HTR1D: variants seen among roughly 807,000 people sequenced by gnomAD.
The protein encoded by HTR1D is 5-HT-1D.
HTR1D carries 18 observed loss-of-function variants against 21.1 expected under a neutral mutation model. That is an observed-to-expected ratio of 0.85 (90% confidence interval 0.59 to 1.27). The LOEUF (loss-of-function observed/expected upper bound fraction) is 1.27, where lower values mean the gene tolerates loss of function less well. Ranked by LOEUF, HTR1D falls within the 50% of genes most tolerant of loss-of-function variation. The pLI is 0.00. For synonymous variants in HTR1D, 196 were observed against 204.4 expected, an observed-to-expected ratio of 0.96 and a Z score of 0.35; for missense variants, 456 against 481.4, an observed-to-expected ratio of 0.95 and a Z score of 0.49.
At position 23,194,507 on chromosome 1, in the gene HTR1D, T is replaced by C. The variant is rs1210991234; in HGVS notation, c.-288A>G. ...AAAGGTCTTTCCTAAACCACAGGAATCCCAAGATGTCTCAGGGTCCTGGAA... is the reference window on the plus strand; with the variant it reads ...AAAGGTCTTTCCTAAACCACAGGAACCCCAAGATGTCTCAGGGTCCTGGAA... On this transcript the variant is annotated 5_prime_UTR_variant, in exon 2 of 2. Coordinates refer to ENST00000374619, the MANE Select transcript of HTR1D (RefSeq NM_000864.5). The C allele has an allele frequency of 2.0e-5, 4 of 200,742 alleles. No individual in the cohort carries two copies. The highest frequency in any genetic ancestry group is 4.5e-5 in the Non-Finnish European group (4 of 89,286). The allele number at this position is 200,742 out of a possible 1,614,324, so 12.4% of individuals were successfully genotyped here. A position where few individuals can be genotyped will look rare whatever the true frequency, so the allele number is the denominator to read the frequency against.
At chr1:23,216,756 G>C (rs1644774911) in intron 1 of HTR1D, among the ~76,000 whole-genome samples, 1 of 152,200 alleles carries the variant, frequency 6.6e-6, no homozygotes, top group Non-Finnish European at 1.5e-5. Flanking sequence ...TTTGACAGAC[G>C]TGCAAACTGA....
At position 23,194,969 on chromosome 1, in the gene HTR1D, T is replaced by A. The variant is rs573644291; in HGVS notation, c.-750A>T. Among the ~76,000 whole-genome samples the A allele has an allele frequency of 6.6e-5, 10 of 152,272 alleles. No individual in the cohort carries two copies. Among genetic ancestry groups the A allele is most frequent in the Non-Finnish European group, 1.5e-4 (10 of 68,030 alleles). ...ACCAGGCAAAACAAACAGATCACTG[T>A]GGGCTCACAGAGCAGGGACACATTC... On this transcript the variant is annotated 5_prime_UTR_variant, in exon 2 of 2. Transcript: ENST00000374619.
chr1:23,214,526 C>T lies in HTR1D; in HGVS notation c.-783+2765G>A, dbSNP rs78912879. Among the ~76,000 whole-genome samples the T allele has an allele frequency of 6.8e-4, 104 of 152,260 alleles. 1 individual carries two copies. The highest frequency in any genetic ancestry group is 1.3e-3 in the Non-Finnish European group (89 of 68,012). On this transcript the variant is annotated intron_variant, in intron 1 of 1. Coordinates refer to ENST00000374619, the MANE Select transcript of HTR1D (RefSeq NM_000864.5). The stretch of plus-strand genomic sequence containing the variant: ...AACTCCCATGGCTTACAAGGCCCTA[C>T]GTGATCTGCTGCCACCCCGGCCGTC...
chr1:23,217,130 C>A lies in HTR1D; in HGVS notation c.-783+161G>T, dbSNP rs935845475. On this transcript the variant is annotated intron_variant, in intron 1 of 1. Coordinates refer to ENST00000374619, the MANE Select transcript of HTR1D (RefSeq NM_000864.5). The surrounding 1 kb of genome is among the most constrained non-coding windows in gnomAD (Gnocchi z 4.6). ...CCCCGGTGGCCTCCCTCCGGCCGGG[C>A]AGGTCCTCCGGGACCCTCTCCCTGG... is the stretch of plus-strand genomic sequence containing the variant. Among the ~76,000 whole-genome samples the A allele has an allele frequency of 9.2e-5, 14 of 151,906 alleles. No individual in the cohort carries two copies. Among genetic ancestry groups the A allele is most frequent in the Non-Finnish European group, 2.1e-4 (14 of 67,898 alleles).
At chr1:23,209,535 G>A (rs927955456) in intron 1 of HTR1D, among the ~76,000 whole-genome samples, 9 of 152,158 alleles carry the variant, frequency 5.9e-5, no homozygotes, top group Admixed American at 2.0e-4. Flanking sequence ...ATGAGGAGGG[G>A]TCATAATGGC....
chr1:23,193,150 G>C lies in HTR1D; in HGVS notation c.1070C>G (p.Thr357Ser). The stretch of plus-strand genomic sequence containing the variant: ...TTGCCGAAACTCTTCATTAAACACA[G>C]TGTAGATTATTGGATTGATGAGGGA... The part of the protein sequence containing the change: ...LNSLINPIIY[T>S]VFNEEFRQAF... The change falls in exon 2 of 2, where the codon ACT becomes AGT. Residue 357 changes from threonine to serine, a missense_variant. Transcript: ENST00000374619. The C allele has an allele frequency of 6.2e-7, 1 of 1,614,008 alleles. No individual in the cohort carries two copies. Among genetic ancestry groups the C allele is most frequent in the East Asian group, 2.2e-5 (1 of 44,878 alleles).
At chr1:23,202,069 G>T (rs1431049048) in intron 1 of HTR1D, among the ~76,000 whole-genome samples, 1 of 151,644 alleles carries the variant, frequency 6.6e-6, no homozygotes, top group Non-Finnish European at 1.5e-5. Context: ...ATTTTTCGTG[G>T]TTTTTTGTTG....
At chr1:23,216,596 G>A (rs754113992) in intron 1 of HTR1D, among the ~76,000 whole-genome samples, 5 of 152,198 alleles carry the variant, frequency 3.3e-5, no homozygotes, top group Non-Finnish European at 7.3e-5. Context: ...CTCCCCATTT[G>A]TAATAAAGCA....
chr1:23,202,657 T>C (rs1367660957), intron 1 of HTR1D, among the ~76,000 whole-genome samples: 5 of 152,206 alleles, frequency 3.3e-5, no homozygotes. Context: ...ACACAGTAAT[T>C]TGTGGCTGTT....
In HTR1D at chr1:23,217,124, G is replaced by C. The variant is rs1392341761; in HGVS notation, c.-783+167C>G. Among the ~76,000 whole-genome samples, 1 of 151,768 alleles carries C rather than the reference G, an allele frequency of 6.6e-6. No homozygotes were observed. Among genetic ancestry groups the C allele is most frequent in the Admixed American group, 6.5e-5 (1 of 15,272 alleles). On this transcript the variant is annotated intron_variant, in intron 1 of 1. Transcript: ENST00000374619. This position sits in a 1 kb window ranked among gnomAD's most constrained non-coding sequence, Gnocchi z 4.6. ...GGCCACCCCCGGTGGCCTCCCTCCGGCCGGGCAGGTCCTCCGGGACCCTCT... is the reference window on the plus strand; with the variant it reads ...GGCCACCCCCGGTGGCCTCCCTCCGCCCGGGCAGGTCCTCCGGGACCCTCT...
In HTR1D at chr1:23,217,486, C is replaced by G. The variant is rs1366159584; in HGVS notation, c.-978G>C. Among the ~76,000 whole-genome samples the G allele has an allele frequency of 6.6e-6, 1 of 152,054 alleles. No individual in the cohort carries two copies. Among genetic ancestry groups the G allele is most frequent in the East Asian group, 1.9e-4 (1 of 5,144 alleles). ...CACCTGCCTCCGCCTCTCCCAGAGC[C>G]CTGCGGCTCCTTCTCCGCGCTCCCC... On this transcript the variant is annotated 5_prime_UTR_variant, in exon 1 of 2. Coordinates refer to ENST00000374619, the MANE Select transcript of HTR1D (RefSeq NM_000864.5). This position sits in a 1 kb window ranked among gnomAD's most constrained non-coding sequence, Gnocchi z 4.6.
chr1:23,193,547 G>C lies in HTR1D; in HGVS notation c.673C>G (p.Arg225Gly). The C allele has an allele frequency of 5.0e-6, 8 of 1,614,020 alleles. No individual in the cohort carries two copies. The highest frequency in any genetic ancestry group is 5.9e-6 in the Non-Finnish European group (7 of 1,179,914). Residue 225 changes from arginine to glycine, a missense_variant, in exon 2 of 2, where the codon CGG becomes GGG. Transcript: ENST00000374619. ...ILYGRIYRAARNRILNPPSLY... is the reference protein window; with the variant it reads ...ILYGRIYRAAGNRILNPPSLY... Reference sequence around the variant, plus strand: ...GAGGGTGGATTCAGGATGCGGTTCCGGGCAGCCCGGTAGATCCGGCCATAT... The same window carrying C: ...GAGGGTGGATTCAGGATGCGGTTCCCGGCAGCCCGGTAGATCCGGCCATAT...
At position 23,210,369 on chromosome 1, in the gene HTR1D, C is replaced by T. The variant is rs139775911; in HGVS notation, c.-783+6922G>A. ...CTGGGATTATAGGCGTGAGCCACCACGCCCAGCCAGGTCTGCAGTTCTGAC... is the reference window on the plus strand; with the variant it reads ...CTGGGATTATAGGCGTGAGCCACCATGCCCAGCCAGGTCTGCAGTTCTGAC... On this transcript the variant is annotated intron_variant, in intron 1 of 1. Transcript: ENST00000374619. Among the ~76,000 whole-genome samples, 799 of 152,332 alleles carry T rather than the reference C, an allele frequency of 5.2e-3. 8 individuals carry two copies. The highest frequency in any genetic ancestry group is 0.018 in the African/African-American group (766 of 41,576).
Position 23,194,063 on chromosome 1 carries a change from C to T in HTR1D, c.157G>A (p.Val53Ile). ...GTGAGTACAAAGGCATTGGAGAGGA[C>T]TGTGGCCAGTGTGATGACGGAAAGG... is the stretch of plus-strand genomic sequence containing the variant. Reference protein sequence around the residue: ...VVLSVITLATVLSNAFVLTTI... With the variant: ...VVLSVITLATILSNAFVLTTI... Residue 53 changes from valine to isoleucine, a missense_variant, in exon 2 of 2, where the codon GTC becomes ATC. Coordinates refer to ENST00000374619, the MANE Select transcript of HTR1D (RefSeq NM_000864.5). 2 of 1,614,186 alleles carry T rather than the reference C, an allele frequency of 1.2e-6. No homozygotes were observed. The highest frequency in any genetic ancestry group is 1.1e-5 in the South Asian group (1 of 91,086).
chr1:23,197,700 C>T (rs900515714), intron 1 of HTR1D, among the ~76,000 whole-genome samples: 15 of 146,452 alleles, frequency 1.0e-4, no homozygotes, highest in Non-Finnish European at 1.6e-4. Context: ...CCAGCCTGGG[C>T]GACAGAGCAA....
intron 1 of HTR1D, among the ~76,000 whole-genome samples, chr1:23,199,415 CTTTTTTTTTTTTTTTT>C (rs71020483): frequency 9.7e-4 from 45 of 46,328 alleles, no homozygotes; most frequent in African/African-American, 2.9e-3. Context: ...CATGTGTGGT[CTTTTTTTTTTTTTTTT>C]TTTTTTTTTT....
intron 1 of HTR1D, among the ~76,000 whole-genome samples, chr1:23,206,308 G>T (rs1644730741): frequency 1.3e-5 from 2 of 152,122 alleles, no homozygotes; most frequent in Non-Finnish European, 2.9e-5. Flanking sequence ...GGGATTACGG[G>T]CGTGAGCCAA....
At chr1:23,200,494 T>C (rs981008536) in intron 1 of HTR1D, among the ~76,000 whole-genome samples, 1 of 152,232 alleles carries the variant, frequency 6.6e-6, no homozygotes, top group African/African-American at 2.4e-5. Context: ...GTCAATATCA[T>C]GGAAACCAAA....
At chr1:23,196,240 T>G (rs1644688295) in intron 1 of HTR1D, among the ~76,000 whole-genome samples, 1 of 151,512 alleles carries the variant, frequency 6.6e-6, no homozygotes, top group Non-Finnish European at 1.5e-5. Context: ...AGGTCGGGAG[T>G]TCGAGACCAG....
Sources: allele counts gnomAD v4.1 joint callset (sites outside exome capture counted in the v4.1 genomes callset), GRCh38; gene constraint gnomAD v4.1.1; non-coding constraint Gnocchi (gnomAD v3.1); transcripts MANE v1.5; gene names NCBI Gene and HGNC (gene_info 2026-07-23, HGNC 2026-07-21).